The following EDIL3 variants were observed in gnomAD, a reference collection of about 807,000 sequenced individuals.
The protein encoded by EDIL3 is EGF-like repeat and discoidin I-like domain-containing protein 3.
EDIL3 carries 37 observed loss-of-function variants against 67.4 expected under a neutral mutation model. The ratio of observed to expected loss-of-function variants is 0.55; its 90% CI spans 0.42 to 0.72. The LOEUF (loss-of-function observed/expected upper bound fraction) is 0.72, where lower values mean the gene tolerates loss of function less well. EDIL3 is among the 30% of genes least tolerant of loss of function. The pLI, the probability that EDIL3 is intolerant of heterozygous loss-of-function variation, is 0.00. For missense variants in EDIL3, 527 were observed against 586.3 expected (o/e 0.90, Z 1.04); for synonymous variants, 195 against 196.3 (o/e 0.99, Z 0.05).
chr5:84,207,279 G>A (rs187167698), intron 3 of EDIL3, among the ~76,000 whole-genome samples: 1 of 152,222 alleles, frequency 6.6e-6, no homozygotes, highest in Non-Finnish European at 1.5e-5. Context: ...CAAATGATGA[G>A]TGAACTCCCA....
intron 9 of EDIL3, among the ~76,000 whole-genome samples, chr5:83,964,786 A>G (rs1744662057): frequency 6.6e-6 from 1 of 151,978 alleles, no homozygotes; most frequent in Non-Finnish European, 1.5e-5. Context: ...CTATTTAAAC[A>G]TTTTCAAAAA....
intron 1 of EDIL3, among the ~76,000 whole-genome samples, chr5:84,370,926 T>A (rs940365784): frequency 6.6e-6 from 1 of 152,032 alleles, no homozygotes; most frequent in African/African-American, 2.4e-5. Context: ...CATGCATGCA[T>A]GCATGCATGC....
In EDIL3 at chr5:84,107,291, C is replaced by T. The variant is rs191156231; in HGVS notation, c.470-461G>A. ...ATTTTTGTACTAATTTAGCATTTCTCACTACTATAAACTTTATAACTTAAA... is the reference window on the plus strand; with the variant it reads ...ATTTTTGTACTAATTTAGCATTTCTTACTACTATAAACTTTATAACTTAAA... On this transcript the variant is annotated intron_variant, in intron 5 of 10. Transcript: ENST00000296591. Among the ~76,000 whole-genome samples, 562 of 152,016 alleles carry T rather than the reference C, an allele frequency of 3.7e-3. 3 individuals carry two copies. The highest frequency in any genetic ancestry group is 0.013 in the African/African-American group (543 of 41,498).
intron 9 of EDIL3, among the ~76,000 whole-genome samples, chr5:84,059,405 A>G (rs1407055204): frequency 6.6e-6 from 1 of 152,152 alleles, no homozygotes; most frequent in African/African-American, 2.4e-5. Flanking sequence ...CTGTCTCAAA[A>G]AAGGAGAGGA....
intron 1 of EDIL3, among the ~76,000 whole-genome samples, chr5:84,283,700 A>G (rs1428915870): frequency 6.6e-6 from 1 of 152,176 alleles, no homozygotes; most frequent in Non-Finnish European, 1.5e-5. Flanking sequence ...CCTTCTGGAA[A>G]AAAGTAATGT....
intron 6 of EDIL3, among the ~76,000 whole-genome samples, chr5:84,085,650 G>T (rs916381522): frequency 1.3e-5 from 2 of 152,198 alleles, no homozygotes; most frequent in Non-Finnish European, 2.9e-5. Context: ...CAGAAGGCAC[G>T]GGGGTCAGGA....
At chr5:84,230,190 T>G (rs1027754061) in intron 2 of EDIL3, among the ~76,000 whole-genome samples, 3 of 152,126 alleles carry the variant, frequency 2.0e-5, no homozygotes, top group African/African-American at 7.2e-5. Flanking sequence ...CCTTTGCAAA[T>G]AAGATTAACC....
intron 5 of EDIL3, among the ~76,000 whole-genome samples, chr5:84,108,530 G>T (rs534049214): frequency 6.6e-6 from 1 of 152,076 alleles, no homozygotes; most frequent in African/African-American, 2.4e-5. Flanking sequence ...GAAGTCTTAC[G>T]AGCTGCAGAT....
intron 9 of EDIL3, among the ~76,000 whole-genome samples, chr5:84,020,361 T>C (rs1290254621): frequency 1.3e-5 from 2 of 152,110 alleles, no homozygotes; most frequent in Non-Finnish European, 2.9e-5. Context: ...TCTCCAGAGA[T>C]AGTTGTCTGA....
intron 5 of EDIL3, among the ~76,000 whole-genome samples, chr5:84,117,281 T>C (rs1054273978): frequency 2.6e-5 from 4 of 151,890 alleles, no homozygotes; most frequent in Non-Finnish European, 5.9e-5. Context: ...CCACCCGCCT[T>C]GGCCTCCCAA....
At chr5:83,990,739 G>T (rs1299195706) in intron 9 of EDIL3, among the ~76,000 whole-genome samples, 2 of 151,778 alleles carry the variant, frequency 1.3e-5, no homozygotes, top group African/African-American at 4.8e-5. Context: ...AATTAGCTGG[G>T]CATGGTAGCG....
At chr5:84,234,597 TA>T (rs1299733036) in intron 2 of EDIL3, among the ~76,000 whole-genome samples, 7 of 152,196 alleles carry the variant, frequency 4.6e-5, no homozygotes, top group Non-Finnish European at 7.4e-5. Flanking sequence ...TAAACTTTTA[TA>T]ACTTGGAAAT....
intron 10 of EDIL3, among the ~76,000 whole-genome samples, chr5:83,957,764 G>A (rs1744539405): frequency 6.6e-6 from 1 of 151,608 alleles, no homozygotes; most frequent in South Asian, 2.1e-4. Context: ...ATACCTAGTA[G>A]GTTATATTTT....
intron 9 of EDIL3, among the ~76,000 whole-genome samples, chr5:84,010,396 A>G (rs370285967): frequency 7.9e-5 from 12 of 152,126 alleles, no homozygotes; most frequent in African/African-American, 2.9e-4. Context: ...GTACTTCCCT[A>G]TCATACTGTG....
chr5:84,142,152 G>T (rs377526175), intron 4 of EDIL3, among the ~76,000 whole-genome samples: 101 of 151,542 alleles, frequency 6.7e-4, no homozygotes, highest in African/African-American at 2.4e-3. Flanking sequence ...ACTTTGGAGT[G>T]GTAGGCTGTC....
chr5:84,132,255 T>C (rs144816630), intron 5 of EDIL3, among the ~76,000 whole-genome samples: 2 of 119,722 alleles, frequency 1.7e-5, no homozygotes, highest in African/African-American at 6.8e-5. Flanking sequence ...AAAGAAAAAA[T>C]ATATATATAA....
chr5:84,056,263 T>G (rs1308859076), intron 9 of EDIL3, among the ~76,000 whole-genome samples: 1 of 152,044 alleles, frequency 6.6e-6, no homozygotes, highest in Admixed American at 6.6e-5. Context: ...TAGGTGGGAA[T>G]TGAACAATGA....
chr5:84,128,937 G>T (rs1363715173), intron 5 of EDIL3, among the ~76,000 whole-genome samples: 2 of 152,224 alleles, frequency 1.3e-5, no homozygotes, highest in Non-Finnish European at 2.9e-5. Flanking sequence ...GTAATTATTT[G>T]CAATTAAATA....
intron 2 of EDIL3, among the ~76,000 whole-genome samples, chr5:84,230,763 A>ATGTGTGTGTGTGTGTGTG (rs59552122): frequency 0.028 from 3,789 of 137,142 alleles, 91 homozygotes; most frequent in African/African-American, 0.047. Flanking sequence ...CCACTACGTG[A>ATGTGTGTGTGTGTGTGTG]TGTGTGTGTG....
Sources: allele counts gnomAD v4.1 joint callset (sites outside exome capture counted in the v4.1 genomes callset), GRCh38; gene constraint gnomAD v4.1.1; transcripts MANE v1.5; gene names NCBI Gene and HGNC (gene_info 2026-07-23, HGNC 2026-07-21).